The following BPHL variants were observed in gnomAD, a reference collection of about 807,000 sequenced individuals.
BPHL encodes serine hydrolase BPHL.
Under a neutral mutation model 31.2 loss-of-function variants are expected in BPHL, and 27 were observed. The ratio of observed to expected loss-of-function variants is 0.87; its 90% CI spans 0.64 to 1.19. The LOEUF (loss-of-function observed/expected upper bound fraction) is 1.19. BPHL is among the 50% of genes most tolerant of loss of function. BPHL has a pLI of 0.00. For synonymous variants in BPHL, 150 were observed against 146.8 expected (o/e 1.02, Z -0.16); for missense variants, 356 against 375.7 (o/e 0.95, Z 0.43).
intron 6 of BPHL, among the ~76,000 whole-genome samples, chr6:3,145,700 A>G (rs113281471): frequency 8.8e-4 from 13 of 14,732 alleles, no homozygotes; most frequent in East Asian, 2.1e-3. Flanking sequence ...GTGCTGGTTC[A>G]GGTTGGAGTG....
At chr6:3,121,052 G>A (rs1276774404) in intron 1 of BPHL, among the ~76,000 whole-genome samples, 2 of 152,142 alleles carry the variant, frequency 1.3e-5, no homozygotes, top group Non-Finnish European at 2.9e-5. Flanking sequence ...CAGCGTTTTT[G>A]TGAGGATTTG....
At chr6:3,118,596 C>T (rs1261176628), upstream of BPHL, 8 of 553,434 alleles carry the variant, frequency 1.4e-5, no homozygotes, top group Admixed American at 4.4e-5. Flanking sequence ...CAGGGCGTGG[C>T]TTCGGGGCGG....
rs145731186 is a variant in BPHL, at chr6:3,127,882, G to A, written c.378+474G>A. Among the ~76,000 whole-genome samples, 1,157 of 151,428 alleles carry A rather than the reference G, an allele frequency of 7.6e-3. 9 individuals are homozygous for A. The highest frequency in any genetic ancestry group is 0.027 in the African/African-American group (1,105 of 41,232). On this transcript the variant is annotated intron_variant, in intron 3 of 6. Coordinates refer to ENST00000380379, the MANE Select transcript of BPHL (RefSeq NM_004332.4). ...GTCACCCAGGCTGGAGTGCGGTGGCGCAATCTTGGCTCACTGCAACCTCTG... is the reference window on the plus strand; with the variant it reads ...GTCACCCAGGCTGGAGTGCGGTGGCACAATCTTGGCTCACTGCAACCTCTG...
Position 3,127,237 on chromosome 6 carries a change from T to G in BPHL, c.212-5T>G, listed in dbSNP as rs557787154. The G allele has an allele frequency of 3.3e-6, 5 of 1,517,148 alleles. No homozygotes were observed. In the Admixed American group the frequency reaches 8.0e-5, roughly 24 times the overall value. The allele number at this position is 1,517,148 out of a possible 1,614,324, so 94.0% of individuals were successfully genotyped here. On this transcript the variant is annotated splice_polypyrimidine_tract_variant and splice_region_variant and intron_variant, in intron 2 of 6. Coordinates refer to ENST00000380379, the MANE Select transcript of BPHL (RefSeq NM_004332.4). ...ACCTGAGGGTAACCAAGTGGCTGTTTTTAGGAAGTGGAGAGACTGATTTTG... is the reference window on the plus strand; with the variant it reads ...ACCTGAGGGTAACCAAGTGGCTGTTGTTAGGAAGTGGAGAGACTGATTTTG...
At chr6:3,124,046 G>T in intron 2 of BPHL, 1 of 221,878 alleles carries the variant, frequency 4.5e-6, no homozygotes, top group Non-Finnish European at 9.1e-6. Context: ...AAGGAAAGGG[G>T]TGTGGGAAGA....
At position 3,149,851 on chromosome 6, in the gene BPHL, A is replaced by T. The variant is rs950147708; in HGVS notation, c.789-2637A>T. Among the ~76,000 whole-genome samples, 3 of 151,878 alleles carry T rather than the reference A, an allele frequency of 2.0e-5. No homozygotes were observed. Among genetic ancestry groups the T allele is most frequent in the Non-Finnish European group, 2.9e-5 (2 of 67,974 alleles). On this transcript the variant is annotated intron_variant, in intron 6 of 6. Coordinates refer to ENST00000380379, the MANE Select transcript of BPHL (RefSeq NM_004332.4). This position sits in a 1 kb window ranked among gnomAD's most constrained non-coding sequence, Gnocchi z 4.6. ...ACCACATTGACCAGGCTGGTCTCGA[A>T]CTCCTGACCTCAAGTGATCCACCTG...
intron 6 of BPHL, among the ~76,000 whole-genome samples, chr6:3,151,068 T>C (rs542577463): frequency 6.6e-6 from 1 of 152,330 alleles, no homozygotes; most frequent in South Asian, 2.1e-4. Flanking sequence ...CAACAAATCA[T>C]AGCCAGATAG....
chr6:3,133,097 TAA>T (rs1761914993), intron 4 of BPHL, among the ~76,000 whole-genome samples: 1 of 152,212 alleles, frequency 6.6e-6, no homozygotes, highest in South Asian at 2.1e-4. Context: ...TGCCGTGAGC[TAA>T]AGTCTTTAAC....
At chr6:3,121,782 T>G (rs1020921496) in intron 1 of BPHL, among the ~76,000 whole-genome samples, 3 of 152,248 alleles carry the variant, frequency 2.0e-5, no homozygotes. Context: ...CAGACCTTAT[T>G]ACTACCCAAT....
chr6:3,119,499 T>A (rs374716930), intron 1 of BPHL: 16 of 1,613,852 alleles, frequency 9.9e-6, no homozygotes, highest in Non-Finnish European at 1.3e-5. Context: ...CTCCCACCTG[T>A]CCCCCCATTT....
rs1419946868 is a variant in BPHL at position 3,149,481 on chromosome 6, G to A, written c.789-3007G>A. On this transcript the variant is annotated intron_variant, in intron 6 of 6. Transcript: ENST00000380379. This position sits in a 1 kb window ranked among gnomAD's most constrained non-coding sequence, Gnocchi z 4.6. Reference sequence around the variant, plus strand: ...TGTGTCTAATGCTTGAGACATGGTTGCTTTTGAGAAATGGAGCTGCTCAGT... The same window carrying A: ...TGTGTCTAATGCTTGAGACATGGTTACTTTTGAGAAATGGAGCTGCTCAGT... Among the ~76,000 whole-genome samples, 1 of 152,142 alleles carries A rather than the reference G, an allele frequency of 6.6e-6. No individual in the cohort carries two copies. Among genetic ancestry groups the A allele is most frequent in the Non-Finnish European group, 1.5e-5 (1 of 68,036 alleles).
At chr6:3,130,439 G>A (rs1368610376) in intron 4 of BPHL, among the ~76,000 whole-genome samples, 2 of 152,170 alleles carry the variant, frequency 1.3e-5, no homozygotes, top group African/African-American at 4.8e-5. Context: ...GGATCTAGGG[G>A]TTGCTAGGAC....
intron 1 of BPHL, among the ~76,000 whole-genome samples, chr6:3,122,770 C>T (rs746698557): frequency 2.5e-4 from 38 of 152,332 alleles, no homozygotes; most frequent in Admixed American, 1.2e-3. Flanking sequence ...TCTTAAAAAA[C>T]AGTAGGATTT....
chr6:3,147,284 A>G (rs1762411918), intron 6 of BPHL, among the ~76,000 whole-genome samples: 1 of 152,138 alleles, frequency 6.6e-6, no homozygotes, highest in African/African-American at 2.4e-5. Context: ...TAAATAAAAA[A>G]TACTCAACAG....
Position 3,129,039 on chromosome 6 carries a change from T to C in BPHL, c.379-6T>C. 3.1e-6 allele frequency: 5 copies of C among 1,614,162 alleles called. No individual in the cohort carries two copies. Among genetic ancestry groups the C allele is most frequent in the Non-Finnish European group, 4.2e-6 (5 of 1,179,956 alleles). ...CCGTGCCGTGCATTTTGTCGTATGATCATAGGCGCTGAAGTTTAAGAAGGT... is the reference window on the plus strand; with the variant it reads ...CCGTGCCGTGCATTTTGTCGTATGACCATAGGCGCTGAAGTTTAAGAAGGT... On this transcript the variant is annotated splice_region_variant and splice_polypyrimidine_tract_variant and intron_variant, in intron 3 of 6. Transcript: ENST00000380379.
rs1762045441 is a variant in BPHL, at chr6:3,137,488, C to T, written c.659C>T (p.Pro220Leu). The T allele has an allele frequency of 6.2e-7, 1 of 1,613,488 alleles. No individual in the cohort carries two copies. The highest frequency in any genetic ancestry group is 8.5e-7 in the Non-Finnish European group (1 of 1,179,936). The stretch of plus-strand genomic sequence containing the variant: ...GGCATAAGACAGTTTAAACATCTCC[C>T]AGATGGTAGGTTACTGGGCTTGAAG... ...VDGIRQFKHL[P>L]DGNICRHLLP... The change falls in exon 5 of 7, where the codon CCA becomes CTA. Residue 220 changes from proline (P) to leucine (L), a missense_variant. Transcript: ENST00000380379.
intron 1 of BPHL, among the ~76,000 whole-genome samples, chr6:3,120,297 A>C (rs1008109787): frequency 1.3e-5 from 2 of 152,052 alleles, no homozygotes; most frequent in African/African-American, 4.8e-5. Flanking sequence ...AGCCTCCCAA[A>C]GTGCTGGGAT....
chr6:3,118,398 T>G (rs1435996757), upstream of BPHL: 2 of 220,608 alleles, frequency 9.1e-6, no homozygotes, highest in African/African-American at 2.3e-5. Flanking sequence ...GCGCTATGGC[T>G]GGCGGCCTCG....
chr6:3,151,028 C>T (rs967873982), intron 6 of BPHL, among the ~76,000 whole-genome samples: 1 of 152,122 alleles, frequency 6.6e-6, no homozygotes, highest in Non-Finnish European at 1.5e-5. Context: ...CGATTCACAG[C>T]GAGGTTCTCC....
Sources: gnomAD v4.1 joint callset for allele counts (sites outside exome capture counted in the v4.1 genomes callset) on GRCh38, gnomAD v4.1.1 for gene constraint, Gnocchi (gnomAD v3.1) non-coding constraint, MANE v1.5 for transcripts, NCBI Gene and HGNC (gene_info 2026-07-23, HGNC 2026-07-21) for gene names.